PRKCE: variants seen among roughly 807,000 people sequenced by gnomAD.
PRKCE encodes protein kinase C epsilon, also known as protein kinase C epsilon type.
Under a neutral mutation model 85.4 loss-of-function variants are expected in PRKCE, and 16 were observed. The observed-to-expected ratio is 0.19, with a 90% CI of 0.13 to 0.28. The LOEUF (loss-of-function observed/expected upper bound fraction) is 0.28, where lower values mean the gene tolerates loss of function less well. Ranked by LOEUF, PRKCE falls within the 10% of genes least tolerant of loss-of-function variation. PRKCE has a pLI of 1.00. For synonymous variants in PRKCE, 388 were observed against 371.5 expected, an observed-to-expected ratio of 1.04 and a Z score of -0.51; for missense variants, 573 against 975.2, an observed-to-expected ratio of 0.59 and a Z score of 5.49.
intron 8 of PRKCE, among the ~76,000 whole-genome samples, chr2:46,005,559 C>G (rs61758283): frequency 0.019 from 2,912 of 152,116 alleles, 94 homozygotes; most frequent in African/African-American, 0.067. Flanking sequence ...AAGTTCTGTC[C>G]CAAGGTTTGG....
In PRKCE at chr2:45,651,931, G is replaced by T. The variant is rs1207275949; in HGVS notation, c.-170G>T. On this transcript the variant is annotated 5_prime_UTR_variant, in exon 1 of 15. Transcript: ENST00000306156. ...ACCCGGCGAGGAAATACATGCACTG[G>T]CTGAGAATCGCCCGCGCCAGGGCGC... 2.1e-5 allele frequency: 12 copies of T among 567,708 alleles called. No individual in the cohort carries two copies. The highest frequency in any genetic ancestry group is 1.8e-5 in the Non-Finnish European group (6 of 324,846). The allele number at this position is 567,708 out of a possible 1,614,324, so 35.2% of individuals were successfully genotyped here. A position where few individuals can be genotyped will look rare whatever the true frequency, so the allele number is the denominator to read the frequency against.
intron 1 of PRKCE, among the ~76,000 whole-genome samples, chr2:45,738,397 C>T (rs1682265745): frequency 6.6e-6 from 1 of 152,174 alleles, no homozygotes; most frequent in African/African-American, 2.4e-5. Flanking sequence ...GTATTTCCTT[C>T]CTCTCTGCCT....
rs190172941 is a variant in PRKCE at position 45,708,443 on chromosome 2, C to T, written c.348+55995C>T. On this transcript the variant is annotated intron_variant, in intron 1 of 14. Transcript: ENST00000306156. The stretch of plus-strand genomic sequence containing the variant: ...ATCATGGGGCCAGGTCTTTCCCACG[C>T]TGTTCTCATGATAGTGAATAAGCCT... Among the ~76,000 whole-genome samples, 127 of 152,312 alleles carry T rather than the reference C, an allele frequency of 8.3e-4. 2 individuals carry two copies. Among genetic ancestry groups the T allele is most frequent in the Admixed American group, 8.2e-3 (126 of 15,300 alleles).
chr2:46,028,660 C>G (rs1167001618), intron 10 of PRKCE, among the ~76,000 whole-genome samples: 1 of 152,132 alleles, frequency 6.6e-6, no homozygotes, highest in Non-Finnish European at 1.5e-5. Flanking sequence ...ATGATAATAA[C>G]TGATGTTCTT....
At chr2:45,753,343 C>T (rs77850413) in intron 1 of PRKCE, among the ~76,000 whole-genome samples, 2,685 of 152,292 alleles carry the variant, frequency 0.018, 39 homozygotes, top group Middle Eastern at 0.034. Context: ...AGCCACACTT[C>T]GACAACCACT....
chr2:46,011,027 G>T, intron 10 of PRKCE: 1 of 1,130,926 alleles, frequency 8.8e-7, no homozygotes, highest in Non-Finnish European at 1.1e-6. Flanking sequence ...ATAGGTGTCT[G>T]GGAACCAGAA....
chr2:45,761,301 T>G (rs1322666565), intron 1 of PRKCE, among the ~76,000 whole-genome samples: 2 of 115,486 alleles, frequency 1.7e-5, no homozygotes, highest in Non-Finnish European at 3.2e-5. Context: ...CACTCCAGCC[T>G]GGGCGACAGA....
intron 5 of PRKCE, 94 bp from the exon 6 acceptor site, chr2:45,984,457 C>G: frequency 1.3e-6 from 2 of 1,525,712 alleles, no homozygotes; most frequent in Non-Finnish European, 1.8e-6. Context: ...ATGACACAAG[C>G]TCTCTTGGAA....
intron 1 of PRKCE, among the ~76,000 whole-genome samples, chr2:45,688,668 A>G (rs1677490037): frequency 2.0e-5 from 3 of 152,230 alleles, no homozygotes. Flanking sequence ...CCAAGTATTT[A>G]GACTCTCCCT....
chr2:45,837,720 C>T (rs183342620), intron 1 of PRKCE, among the ~76,000 whole-genome samples: 1 of 152,144 alleles, frequency 6.6e-6, no homozygotes, highest in East Asian at 1.9e-4. Context: ...CTCAGATTCT[C>T]AACAGCACTA....
chr2:46,048,025 T>C (rs1168242904), intron 10 of PRKCE, among the ~76,000 whole-genome samples: 1 of 152,192 alleles, frequency 6.6e-6, no homozygotes, highest in Non-Finnish European at 1.5e-5. Context: ...CATCAATAGT[T>C]ATCAAACCAG....
At chr2:46,174,815 G>A (rs760905151) in intron 14 of PRKCE, among the ~76,000 whole-genome samples, 2 of 152,034 alleles carry the variant, frequency 1.3e-5, no homozygotes, top group African/African-American at 4.8e-5. Context: ...TCCGCCTCCT[G>A]AGTAGCTGGG....
chr2:45,665,408 T>C (rs914013037), intron 1 of PRKCE, among the ~76,000 whole-genome samples: 5 of 152,244 alleles, frequency 3.3e-5, no homozygotes, highest in Non-Finnish European at 7.3e-5. Context: ...AGTCATCTTT[T>C]GCAGTTTGTT....
rs185095220 is a variant in PRKCE, at chr2:46,111,738, G to T, written c.1592+25376G>T. Among the ~76,000 whole-genome samples the T allele has an allele frequency of 1.4e-3, 210 of 152,314 alleles. 6 individuals are homozygous for T. Among genetic ancestry groups the T allele is most frequent in the Admixed American group, 0.012 (177 of 15,296 alleles). On this transcript the variant is annotated intron_variant, in intron 11 of 14. Coordinates refer to ENST00000306156, the MANE Select transcript of PRKCE (RefSeq NM_005400.3). The stretch of plus-strand genomic sequence containing the variant: ...TTTGTTTATTCACTCTCAGTTGATG[G>T]ACACTTAGGTTGTTTCCACCTGCTG...
chr2:45,898,587 G>C (rs940720572), intron 2 of PRKCE, among the ~76,000 whole-genome samples: 5 of 152,172 alleles, frequency 3.3e-5, no homozygotes, highest in African/African-American at 9.7e-5. Context: ...GTTATGCTGA[G>C]GATCTAATAA....
chr2:46,030,526 C>T (rs987102513), intron 10 of PRKCE, among the ~76,000 whole-genome samples: 1 of 152,130 alleles, frequency 6.6e-6, no homozygotes, highest in South Asian at 2.1e-4. Context: ...ACCATGCCCC[C>T]CTCCCTGGGG....
rs1373534401 is a variant in PRKCE, at chr2:46,138,244, C to G, written c.1593-6849C>G. On this transcript the variant is annotated intron_variant, in intron 11 of 14. Transcript: ENST00000306156. The surrounding 1 kb of genome is among the most constrained non-coding windows in gnomAD (Gnocchi z 4.2). ...TGTGATCCCTTGTGCTCCATGTTCTCCTCACCACAAAGATTTCTTTTCCCA... is the reference window on the plus strand; with the variant it reads ...TGTGATCCCTTGTGCTCCATGTTCTGCTCACCACAAAGATTTCTTTTCCCA... Among the ~76,000 whole-genome samples the G allele has an allele frequency of 6.6e-6, 1 of 152,124 alleles. No individual in the cohort carries two copies. Among genetic ancestry groups the G allele is most frequent in the East Asian group, 1.9e-4 (1 of 5,192 alleles).
chr2:45,661,637 T>G (rs1675664374), intron 1 of PRKCE, among the ~76,000 whole-genome samples: 1 of 148,922 alleles, frequency 6.7e-6, no homozygotes, highest in Admixed American at 6.8e-5. Flanking sequence ...CACACCATTC[T>G]TCTGCCTCAG....
intron 4 of PRKCE, among the ~76,000 whole-genome samples, chr2:45,979,429 A>G (rs1574097230): frequency 6.6e-6 from 1 of 152,272 alleles, no homozygotes; most frequent in East Asian, 1.9e-4. Context: ...ACTTGGTATC[A>G]CTGAAAGGTC....
Sources: gnomAD v4.1 joint callset for allele counts (sites outside exome capture counted in the v4.1 genomes callset) on GRCh38, gnomAD v4.1.1 for gene constraint, Gnocchi (gnomAD v3.1) non-coding constraint, MANE v1.5 for transcripts, NCBI Gene and HGNC (gene_info 2026-07-23, HGNC 2026-07-21) for gene names.